The following MOXD1 variants were observed in gnomAD, a reference collection of about 807,000 sequenced individuals.
MOXD1 encodes monooxygenase DBH like 1.
MOXD1 carries 62 observed loss-of-function variants against 66.6 expected under a neutral mutation model. The observed-to-expected ratio is 0.93, with a 90% CI of 0.76 to 1.15. MOXD1 has a LOEUF of 1.15. Among genes scored for constraint, MOXD1 ranks in the 50% most tolerant of loss-of-function variants. MOXD1 has a pLI of 0.00. For synonymous variants in MOXD1, 303 were observed against 281.9 expected, an observed-to-expected ratio of 1.07 and a Z score of -0.75; for missense variants, 847 against 754.6, an observed-to-expected ratio of 1.12 and a Z score of -1.44.
intron 2 of MOXD1, among the ~76,000 whole-genome samples, chr6:132,373,212 T>G (rs1359111230): frequency 6.6e-6 from 1 of 152,208 alleles, no homozygotes; most frequent in African/African-American, 2.4e-5. Flanking sequence ...GAAGGAATCA[T>G]CTCTCAGCAT....
chr6:132,372,459 T>G (rs1582600158), intron 4 of MOXD1, 149 bp downstream of exon 4: 1 of 677,400 alleles, frequency 1.5e-6, no homozygotes, highest in East Asian at 2.8e-5. Context: ...TGAAAAAGTA[T>G]GCAGGTCAGC....
chr6:132,398,595 A>G (rs1228388987), intron 1 of MOXD1, among the ~76,000 whole-genome samples: 1 of 152,152 alleles, frequency 6.6e-6, no homozygotes, highest in Non-Finnish European at 1.5e-5. Context: ...CGGGAGCAAA[A>G]TTACACAAAA....
At chr6:132,333,102 C>T (rs1025673824) in intron 4 of MOXD1, among the ~76,000 whole-genome samples, 8 of 151,984 alleles carry the variant, frequency 5.3e-5, no homozygotes, top group East Asian at 3.9e-4. Context: ...TTTGGGAGGC[C>T]GAGGCGGGCA....
intron 4 of MOXD1, among the ~76,000 whole-genome samples, chr6:132,361,136 C>T (rs1644308050): frequency 6.6e-6 from 1 of 152,030 alleles, no homozygotes. Context: ...GTGTATGGTT[C>T]CTAAAATGGA....
chr6:132,361,694 G>T (rs1177268067), intron 4 of MOXD1, among the ~76,000 whole-genome samples: 2 of 151,316 alleles, frequency 1.3e-5, no homozygotes, highest in South Asian at 2.1e-4. Flanking sequence ...CCTCCCTAAA[G>T]ATTCTGATTC....
At chr6:132,323,616 G>A (rs1283421976) in intron 7 of MOXD1, among the ~76,000 whole-genome samples, 1 of 151,898 alleles carries the variant, frequency 6.6e-6, no homozygotes, top group Admixed American at 6.6e-5. Context: ...AGGTAAACTA[G>A]AGAAAAGAAA....
At chr6:132,346,446 A>T (rs1387291419) in intron 4 of MOXD1, among the ~76,000 whole-genome samples, 1 of 151,994 alleles carries the variant, frequency 6.6e-6, no homozygotes, top group Non-Finnish European at 1.5e-5. Context: ...GCAGCAGGGG[A>T]ATAACATCAA....
intron 9 of MOXD1, 118 bp from the exon 10 acceptor site, chr6:132,315,895 G>T: frequency 9.4e-7 from 1 of 1,063,698 alleles, no homozygotes; most frequent in East Asian, 2.6e-5. Context: ...ACATCTTAAA[G>T]CTGAAAAGTT....
At position 132,372,816 on chromosome 6, in the gene MOXD1, C is replaced by A. The variant is rs1291676413; in HGVS notation, c.579+14G>T. Reference sequence around the variant, plus strand: ...AAGCCCATCCCTACAATCATAAAACCTGAAAACACTTACGTCCTGATTTAC... The same window carrying A: ...AAGCCCATCCCTACAATCATAAAACATGAAAACACTTACGTCCTGATTTAC... On this transcript the variant is annotated intron_variant, in intron 3 of 11. Transcript: ENST00000367963. 6.2e-7 allele frequency: 1 copy of A among 1,612,650 alleles called. No individual in the cohort carries two copies. Among genetic ancestry groups the A allele is most frequent in the Non-Finnish European group, 8.5e-7 (1 of 1,179,026 alleles).
In MOXD1 at chr6:132,384,216, TTCC is replaced by T. The variant is rs571166664; in HGVS notation, c.265-9442_265-9440del. Among the ~76,000 whole-genome samples the T allele has an allele frequency of 2.8e-3, 408 of 147,892 alleles. 5 individuals carry two copies. The highest frequency in any genetic ancestry group is 3.9e-3 in the Non-Finnish European group (262 of 66,784). Reference sequence around the variant, plus strand: ...CTTCCTCCCTCCCTCTCTTCCTTCCTTCCTCCTTCCTTCCTCCCTCCCTCTCTT... The same window carrying T: ...CTTCCTCCCTCCCTCTCTTCCTTCCTTCCTTCCTTCCTCCCTCCCTCTCTT... On this transcript the variant is annotated intron_variant, in intron 1 of 11. Coordinates refer to ENST00000367963, the MANE Select transcript of MOXD1 (RefSeq NM_015529.4).
At position 132,303,763 on chromosome 6, in the gene MOXD1, A is replaced by G. The variant is rs1433081944; in HGVS notation, c.1509-5808T>C. Among the ~76,000 whole-genome samples the G allele has an allele frequency of 2.8e-5, 4 of 145,114 alleles. No individual in the cohort carries two copies. The Admixed American group carries it at 2.8e-4, about 10-fold the overall frequency. On this transcript the variant is annotated intron_variant, in intron 10 of 11. Coordinates refer to ENST00000367963, the MANE Select transcript of MOXD1 (RefSeq NM_015529.4). ...TATTTATACACATGTACATATATAT[A>G]TATATACATACATATATACACATAT... is the stretch of plus-strand genomic sequence containing the variant.
At chr6:132,349,139 C>G (rs1268142443) in intron 4 of MOXD1, among the ~76,000 whole-genome samples, 1 of 150,794 alleles carries the variant, frequency 6.6e-6, no homozygotes, top group Non-Finnish European at 1.5e-5. Context: ...CACCCCCACC[C>G]TTTCCCCCAA....
intron 4 of MOXD1, among the ~76,000 whole-genome samples, chr6:132,340,433 A>C (rs1157953853): frequency 2.8e-5 from 4 of 144,562 alleles, no homozygotes; most frequent in African/African-American, 1.1e-4. Flanking sequence ...GGCAGCAAGC[A>C]ACACTTTCTT....
chr6:132,332,194 TG>T (rs2114591296), intron 4 of MOXD1, among the ~76,000 whole-genome samples: 1 of 152,338 alleles, frequency 6.6e-6, no homozygotes, highest in South Asian at 2.1e-4. Context: ...AGAATTAAAC[TG>T]TAATCTGACC....
intron 4 of MOXD1, among the ~76,000 whole-genome samples, chr6:132,360,393 A>G (rs1775992508): frequency 6.6e-6 from 1 of 152,160 alleles, no homozygotes; most frequent in South Asian, 2.1e-4. Context: ...CCCAAATTGG[A>G]CAGTTCTCTC....
intron 4 of MOXD1, among the ~76,000 whole-genome samples, chr6:132,364,329 G>A (rs1488220519): frequency 6.6e-6 from 1 of 152,102 alleles, no homozygotes; most frequent in Non-Finnish European, 1.5e-5. Flanking sequence ...GTGCAGCCCT[G>A]ACTCCAAGAA....
At chr6:132,374,946 T>C (rs1444578836) in intron 1 of MOXD1, 169 bp from the exon 2 acceptor site, 1 of 655,950 alleles carries the variant, frequency 1.5e-6, no homozygotes, top group East Asian at 2.7e-5. Context: ...GGGAAACTAG[T>C]CCATCTTTGA....
At chr6:132,385,069 G>A (rs1171083466) in intron 1 of MOXD1, among the ~76,000 whole-genome samples, 1 of 152,140 alleles carries the variant, frequency 6.6e-6, no homozygotes, top group Admixed American at 6.5e-5. Context: ...AGAACTTGAC[G>A]ATGGGTTTTA....
At chr6:132,317,645 C>G (rs1774988082) in intron 9 of MOXD1, among the ~76,000 whole-genome samples, 1 of 152,094 alleles carries the variant, frequency 6.6e-6, no homozygotes, top group African/African-American at 2.4e-5. Flanking sequence ...GGTATCAAGA[C>G]AGTGCACCAA....
Sources: allele counts gnomAD v4.1 joint callset (sites outside exome capture counted in the v4.1 genomes callset), GRCh38; gene constraint gnomAD v4.1.1; transcripts MANE v1.5; gene names NCBI Gene and HGNC (gene_info 2026-07-23, HGNC 2026-07-21).